The following MLXIP variants were observed in gnomAD, a reference collection of about 807,000 sequenced individuals.
The protein encoded by MLXIP is MLX interacting protein.
A neutral mutation model predicts 87.2 loss-of-function variants in MLXIP; 30 were observed. The observed-to-expected ratio is 0.34, with a 90% CI of 0.26 to 0.47. MLXIP has a LOEUF of 0.47. MLXIP is among the 20% of genes least tolerant of loss of function. The probability of loss-of-function intolerance (pLI) is 1.00; values close to 1 mark genes in which losing one functional copy is unlikely to be tolerated. For synonymous variants in MLXIP, 530 were observed against 514.0 expected (o/e 1.03, Z -0.42); for missense variants, 1,002 against 1,240.1 (o/e 0.81, Z 2.88).
At chr12:122,097,356 C>CA (rs1952369702) in intron 1 of MLXIP, among the ~76,000 whole-genome samples, 1 of 152,124 alleles carries the variant, frequency 6.6e-6, no homozygotes, top group Non-Finnish European at 1.5e-5. Context: ...TTTGGTGGCT[C>CA]ACGCCTGTAA....
intron 1 of MLXIP, among the ~76,000 whole-genome samples, chr12:122,101,011 G>A (rs1025656224): frequency 1.1e-4 from 16 of 152,170 alleles, no homozygotes; most frequent in Non-Finnish European, 2.2e-4. Context: ...TTGTGAAAGG[G>A]CAAAGATCCT....
At position 122,078,999 on chromosome 12, in the gene MLXIP, C is replaced by G; in HGVS notation, c.146C>G (p.Pro49Arg). The G allele has an allele frequency of 8.8e-7, 1 of 1,132,482 alleles. No individual in the cohort carries two copies. The allele number at this position is 1,132,482 out of a possible 1,614,324, so 70.2% of individuals were successfully genotyped here. A position where few individuals can be genotyped will look rare whatever the true frequency, so the allele number is the denominator to read the frequency against. Residue 49 changes from proline to arginine, a missense_variant, in exon 1 of 17, where the codon CCG (proline) becomes CGG (arginine). Transcript: ENST00000319080. Reference sequence around the variant, plus strand: ...CCGCCCGCCTCCGGCGCGGCCACCCCGGCCCGGGCCCACGCGAGCGCCGCG... The same window carrying G: ...CCGCCCGCCTCCGGCGCGGCCACCCGGGCCCGGGCCCACGCGAGCGCCGCG... The part of the protein sequence containing the change: ...SPPPASGAAT[P>R]ARAHASAAPP...
Position 122,078,888 on chromosome 12 carries a change from G to A in MLXIP, c.35G>A (p.Arg12Gln). ...GACGTCTTCATGTGCTCCCCGCGCC[G>A]GCCTCGCAGCCGGGGCCGCCAGGTG... The part of the protein sequence containing the change: ...AADVFMCSPR[R>Q]PRSRGRQVLL... Residue 12 changes from arginine to glutamine, a missense_variant, in exon 1 of 17, where the codon CGG (arginine) becomes CAG (glutamine). By Grantham distance (43) the Arg-to-Gln change is conservative (BLOSUM62 1). This residue lies in a region of MLXIP where 129 missense variants were observed against 104.2 expected (regional missense o/e 1.24). Transcript: ENST00000319080. The A allele has an allele frequency of 2.6e-6, 3 of 1,137,268 alleles. No individual in the cohort carries two copies. Among genetic ancestry groups the A allele is most frequent in the Non-Finnish European group, 2.2e-6 (2 of 923,464 alleles). The allele number at this position is 1,137,268 out of a possible 1,614,324, so 70.4% of individuals were successfully genotyped here.
Position 122,127,382 on chromosome 12 carries a change from GGC to G in MLXIP, c.520+23_520+24del. 6.4e-7 allele frequency: 1 copy of G among 1,567,190 alleles called. No individual in the cohort carries two copies. Among genetic ancestry groups the G allele is most frequent in the Non-Finnish European group, 8.7e-7 (1 of 1,150,488 alleles). ...TGCAGTGTAAGTGCCGCCCAGCCTG[GGC>G]GCCGGTGGTGGTCAGAACTTCACGG... On this transcript the variant is annotated intron_variant, in intron 2 of 16. Coordinates refer to ENST00000319080, the MANE Select transcript of MLXIP (RefSeq NM_014938.6).
rs1010522680 is a variant in MLXIP, at chr12:122,143,923, T to C, written c.*2111T>C. ...GTGTGTGTGTGTGTCCCAGCGACTG[T>C]CCACTGTCCAGGAGATGCATGTCTT... On this transcript the variant is annotated 3_prime_UTR_variant, in exon 17 of 17. Transcript: ENST00000319080. 18 of 152,690 alleles carry C rather than the reference T, an allele frequency of 1.2e-4. No individual in the cohort carries two copies. Among genetic ancestry groups the C allele is most frequent in the African/African-American group, 4.1e-4 (17 of 41,480 alleles). 9.5% of individuals were successfully genotyped at this position (152,690 alleles called of 1,614,324 possible).
chr12:122,128,950 T>C, intron 3 of MLXIP, 187 bp from the exon 4 acceptor site: 1 of 603,632 alleles, frequency 1.7e-6, no homozygotes, highest in Non-Finnish European at 3.0e-6. Flanking sequence ...CAGCGCATTG[T>C]TAGCTAGAGG....
intron 4 of MLXIP, 154 bp downstream of exon 4, chr12:122,129,380 C>A: frequency 5.2e-6 from 2 of 384,806 alleles, no homozygotes; most frequent in Non-Finnish European, 7.1e-6. Flanking sequence ...CCAGACTAGC[C>A]TGGGCAATGG....
Position 122,121,010 on chromosome 12 carries a change from GTTTTT to G in MLXIP, c.414-6232_414-6228del, listed in dbSNP as rs1233404015. 3.0e-3 allele frequency among the ~76,000 whole-genome samples: 333 copies of G among 111,910 alleles called. 15 individuals are homozygous for G. Among genetic ancestry groups the G allele is most frequent in the African/African-American group, 0.011 (291 of 27,462 alleles). 73.4% of individuals were successfully genotyped at this position (111,910 alleles called of 152,430 possible). ...AGCCCCAGAGCCCTCTGCATGCTTGGTTTTTTTTTTTTTTTTTTGAAACGGTGTCT... is the reference window on the plus strand; with the variant it reads ...AGCCCCAGAGCCCTCTGCATGCTTGGTTTTTTTTTTTTTGAAACGGTGTCT... On this transcript the variant is annotated intron_variant, in intron 1 of 16. Coordinates refer to ENST00000319080, the MANE Select transcript of MLXIP (RefSeq NM_014938.6).
intron 1 of MLXIP, among the ~76,000 whole-genome samples, chr12:122,094,392 T>G (rs1329849411): frequency 7.8e-6 from 1 of 128,930 alleles, no homozygotes; most frequent in Non-Finnish European, 1.7e-5. Flanking sequence ...CTGTGTGGTG[T>G]TGGTGTGTGG....
intron 1 of MLXIP, among the ~76,000 whole-genome samples, chr12:122,101,227 G>T (rs895869100): frequency 2.0e-5 from 3 of 152,136 alleles, no homozygotes; most frequent in Non-Finnish European, 4.4e-5. Flanking sequence ...ACATAGAGGT[G>T]TATGCTCATG....
chr12:122,114,382 G>A (rs1342072903), intron 1 of MLXIP, among the ~76,000 whole-genome samples: 2 of 152,118 alleles, frequency 1.3e-5, no homozygotes, highest in Non-Finnish European at 2.9e-5. Flanking sequence ...GCACTGAAAA[G>A]TATTATATTC....
chr12:122,082,500 C>G (rs1288571410), intron 1 of MLXIP, among the ~76,000 whole-genome samples: 2 of 152,106 alleles, frequency 1.3e-5, no homozygotes, highest in Non-Finnish European at 2.9e-5. Flanking sequence ...GGGGCTAGTG[C>G]CTGGCAAGTA....
At chr12:122,101,576 T>C (rs1193149452) in intron 1 of MLXIP, among the ~76,000 whole-genome samples, 12 of 102,662 alleles carry the variant, frequency 1.2e-4, no homozygotes, top group Admixed American at 1.2e-3. Context: ...ATTTTTTTCT[T>C]TTTTTTTCTT....
At chr12:122,112,351 T>C (rs116338507) in intron 1 of MLXIP, among the ~76,000 whole-genome samples, 376 of 152,278 alleles carry the variant, frequency 2.5e-3, no homozygotes, top group African/African-American at 8.9e-3. Flanking sequence ...TAAAAATGTA[T>C]GTACAGGCCG....
At chr12:122,099,309 G>A (rs1593071150) in intron 1 of MLXIP, among the ~76,000 whole-genome samples, 1 of 152,082 alleles carries the variant, frequency 6.6e-6, no homozygotes. Context: ...CTATTGCAAA[G>A]CAGATTGCTG....
At chr12:122,099,908 C>T (rs1952412169) in intron 1 of MLXIP, among the ~76,000 whole-genome samples, 1 of 152,188 alleles carries the variant, frequency 6.6e-6, no homozygotes, top group African/African-American at 2.4e-5. Context: ...ACTACATTTC[C>T]TCCCCAAGTC....
At chr12:122,140,910 C>A (rs1953189163) in intron 15 of MLXIP, 44 bp from the exon 16 acceptor site, 1 of 1,613,806 alleles carries the variant, frequency 6.2e-7, no homozygotes, top group African/African-American at 1.3e-5. Flanking sequence ...CTGCAGTCCC[C>A]AGCCCCTCTC....
At chr12:122,083,268 A>G (rs1025386421) in intron 1 of MLXIP, among the ~76,000 whole-genome samples, 13 of 152,086 alleles carry the variant, frequency 8.5e-5, no homozygotes, top group Non-Finnish European at 1.5e-4. Context: ...CTTTTTCTGT[A>G]TTTAGAGATA....
intron 1 of MLXIP, among the ~76,000 whole-genome samples, chr12:122,113,576 T>C (rs1002115736): frequency 7.2e-5 from 11 of 151,982 alleles, no homozygotes; most frequent in Admixed American, 6.6e-4. Flanking sequence ...CCTATTTATA[T>C]ATTTTTATCT....
Sources: allele counts gnomAD v4.1 joint callset (sites outside exome capture counted in the v4.1 genomes callset), GRCh38; gene constraint gnomAD v4.1.1; regional missense constraint gnomAD v4.1.1; transcripts MANE v1.5; gene names NCBI Gene and HGNC (gene_info 2026-07-23, HGNC 2026-07-21).